SAFB: variants seen among roughly 807,000 people sequenced by gnomAD.
SAFB encodes scaffold attachment factor B1.
SAFB carries 15 observed loss-of-function variants against 101.6 expected under a neutral mutation model. The ratio of observed to expected loss-of-function variants is 0.15; its 90% CI spans 0.10 to 0.23. The LOEUF is 0.23. Among genes scored for constraint, SAFB ranks in the 10% least tolerant of loss-of-function variants. The probability of loss-of-function intolerance (pLI) is 1.00; values close to 1 mark genes in which losing one functional copy is unlikely to be tolerated. For missense variants in SAFB, 930 were observed against 1,104.1 expected, an observed-to-expected ratio of 0.84 and a Z score of 2.23; for synonymous variants, 449 against 407.5, an observed-to-expected ratio of 1.10 and a Z score of -1.23.
intron 14 of SAFB, among the ~76,000 whole-genome samples, chr19:5,660,703 CCAAA>C (rs1323566992): frequency 2.1e-4 from 14 of 68,104 alleles, no homozygotes; most frequent in Non-Finnish European, 3.2e-4. Context: ...ACCATCTCTA[CCAAA>C]AAAAAAAAAA....
At chr19:5,626,733 G>A (rs2053370757) in intron 2 of SAFB, among the ~76,000 whole-genome samples, 1 of 152,106 alleles carries the variant, frequency 6.6e-6, no homozygotes, top group African/African-American at 2.4e-5. Flanking sequence ...TCTGTAGATT[G>A]TCAGCGGTCC....
intron 1 of SAFB, among the ~76,000 whole-genome samples, chr19:5,626,127 T>C (rs2053353328): frequency 6.6e-6 from 1 of 152,132 alleles, no homozygotes; most frequent in African/African-American, 2.4e-5. Context: ...CCAGGGTAAG[T>C]ACTGTATTAT....
At chr19:5,626,373 T>C in intron 1 of SAFB, 32 bp from the exon 2 acceptor site, 1 of 1,326,440 alleles carries the variant, frequency 7.5e-7, no homozygotes, top group Admixed American at 1.7e-5. Context: ...AGCTGACTTT[T>C]TGGATCAACT....
rs1408613068 is a variant in SAFB, at chr19:5,626,395, T to C, written c.190-10T>C. 2 of 1,566,602 alleles carry C rather than the reference T, an allele frequency of 1.3e-6. No individual in the cohort carries two copies. Among genetic ancestry groups the C allele is most frequent in the East Asian group, 4.5e-5 (2 of 44,664 alleles). ...TTTTTGGATCAACTTTACTTTTCCC[T>C]TCTTTTTAGGCAATTGAAGATGAAG... On this transcript the variant is annotated splice_polypyrimidine_tract_variant and intron_variant, in intron 1 of 20. Transcript: ENST00000588852.
chr19:5,657,301 G>T lies in SAFB; in HGVS notation c.1816G>T (p.Asp606Tyr), dbSNP rs753468272. ...SREKRSVVSF[D>Y]KVKEPRKSRD... The stretch of plus-strand genomic sequence containing the variant: ...AGAGAAGCGGTCCGTCGTGTCCTTT[G>T]ATAAGGTCAAGGAGCCTCGGAAGTC... Residue 606 changes from aspartate to tyrosine, a missense_variant, in exon 14 of 21, where the codon GAT (aspartate) becomes TAT (tyrosine). Physicochemically the swap from Asp to Tyr is radical, Grantham distance 160. This residue lies in a region of SAFB where 159 missense variants were observed against 234.1 expected (regional missense o/e 0.68). Coordinates refer to ENST00000588852, the MANE Select transcript of SAFB (RefSeq NM_001201338.2). 1.9e-6 allele frequency: 3 copies of T among 1,614,052 alleles called. No homozygotes were observed. The Admixed American group carries it at 5.0e-5, about 27-fold the overall frequency.
chr19:5,659,856 A>T (rs1187330515), intron 14 of SAFB, among the ~76,000 whole-genome samples: 1 of 152,058 alleles, frequency 6.6e-6, no homozygotes, highest in Non-Finnish European at 1.5e-5. Context: ...CCCTCTCCAT[A>T]TCTGGCGTAG....
At position 5,667,892 on chromosome 19, in the gene SAFB, G is replaced by T. The variant is rs202133521; in HGVS notation, c.2624+6G>T. On this transcript the variant is annotated splice_donor_region_variant and intron_variant, in intron 20 of 20. Coordinates refer to ENST00000588852, the MANE Select transcript of SAFB (RefSeq NM_001201338.2). This position sits in a 1 kb window ranked among gnomAD's most constrained non-coding sequence, Gnocchi z 4.0. ...AACCGAGGAGGAATGTCAGGGTAAG[G>T]CATGCTGGGGGCGGCGCCCCTTCCC... 2.6e-4 allele frequency: 411 copies of T among 1,599,450 alleles called. 2 individuals carry two copies. The African/African-American group carries it at 5.2e-3, about 20-fold the overall frequency.
intron 4 of SAFB, 138 bp downstream of exon 4, chr19:5,642,084 G>C (rs749186109): frequency 2.8e-5 from 21 of 741,372 alleles, no homozygotes; most frequent in Non-Finnish European, 1.2e-5. Context: ...TGGTTCAGAT[G>C]ATTCTGAACC....
intron 17 of SAFB, chr19:5,664,661 C>G (rs541890666): frequency 2.0e-6 from 1 of 499,466 alleles, no homozygotes; most frequent in African/African-American, 1.9e-5. Flanking sequence ...TGTTTTTAGC[C>G]TTGACCCTGG....
At chr19:5,647,951 T>C in intron 5 of SAFB, 65 bp from the exon 6 acceptor site, 1 of 1,420,486 alleles carries the variant, frequency 7.0e-7, no homozygotes. Flanking sequence ...TATTCTGGGT[T>C]TTCATTTAAA....
chr19:5,635,278 C>T (rs945422027), intron 2 of SAFB, among the ~76,000 whole-genome samples: 14 of 152,044 alleles, frequency 9.2e-5, no homozygotes, highest in African/African-American at 2.9e-4. Context: ...AGCATGGAGT[C>T]AAAGATGGAG....
intron 13 of SAFB, among the ~76,000 whole-genome samples, chr19:5,655,094 G>T (rs1388824585): frequency 2.0e-5 from 3 of 152,064 alleles, no homozygotes; most frequent in Admixed American, 2.0e-4. Flanking sequence ...TGGTGACCTG[G>T]CCCATCTCGC....
chr19:5,667,229 TG>T lies in SAFB; in HGVS notation c.2453+68del. ...GCCCACAAGGGGGCCCGCAAGTCGCTGGGATGTGGGCACAGGGTGGGAAACA... is the reference window on the plus strand; with the variant it reads ...GCCCACAAGGGGGCCCGCAAGTCGCTGGATGTGGGCACAGGGTGGGAAACA... On this transcript the variant is annotated intron_variant, in intron 18 of 20. Coordinates refer to ENST00000588852, the MANE Select transcript of SAFB (RefSeq NM_001201338.2). The surrounding 1 kb of genome is among the most constrained non-coding windows in gnomAD (Gnocchi z 4.0). 1 of 1,216,280 alleles carries T rather than the reference TG, an allele frequency of 8.2e-7. No homozygotes were observed. The highest frequency in any genetic ancestry group is 1.2e-6 in the Non-Finnish European group (1 of 867,828). 75.3% of individuals were successfully genotyped at this position (1,216,280 alleles called of 1,614,324 possible).
At chr19:5,659,943 C>T (rs1167534747) in intron 14 of SAFB, among the ~76,000 whole-genome samples, 1 of 152,160 alleles carries the variant, frequency 6.6e-6, no homozygotes, top group African/African-American at 2.4e-5. Flanking sequence ...TGAAAAGTTC[C>T]CATAAACCGC....
chr19:5,640,480 C>A (rs57151568), intron 2 of SAFB, among the ~76,000 whole-genome samples: 1 of 151,178 alleles, frequency 6.6e-6, no homozygotes, highest in African/African-American at 2.4e-5. Context: ...ATTCTCCTGC[C>A]TCAGCCTCCC....
Position 5,667,744 on chromosome 19 carries a change from TG to T in SAFB, c.2558-74del. The stretch of plus-strand genomic sequence containing the variant: ...TACCTGGGGGCCTCACCAAAGGGAG[TG>T]GAGTGGGCTAAATGTGCCGTGGGTT... On this transcript the variant is annotated intron_variant, in intron 19 of 20. Coordinates refer to ENST00000588852, the MANE Select transcript of SAFB (RefSeq NM_001201338.2). The surrounding 1 kb of genome is among the most constrained non-coding windows in gnomAD (Gnocchi z 4.0). The T allele has an allele frequency of 6.9e-7, 1 of 1,451,828 alleles. No homozygotes were observed. The highest frequency in any genetic ancestry group is 9.6e-7 in the Non-Finnish European group (1 of 1,039,512). The allele number at this position is 1,451,828 out of a possible 1,614,324, so 89.9% of individuals were successfully genotyped here.
At chr19:5,643,202 C>G (rs1488659307) in intron 4 of SAFB, among the ~76,000 whole-genome samples, 4 of 152,184 alleles carry the variant, frequency 2.6e-5, no homozygotes, top group African/African-American at 7.2e-5. Context: ...GTTTGTCAGA[C>G]AGAAAAAGTG....
In SAFB at chr19:5,623,343, G is replaced by A; in HGVS notation, c.138G>A (p.Arg46=). The change falls in exon 1 of 21, where the codon CGG becomes CGA. Residue 46 remains arginine, a synonymous_variant. Coordinates refer to ENST00000588852, the MANE Select transcript of SAFB (RefSeq NM_001201338.2). ...VIDLRAELRK[R]NVDSSGNKSV... ...ATCTGCGGGCGGAGCTGAGGAAACG[G>A]AATGTGGACTCGAGCGGCAACAAGA... 6.2e-7 allele frequency: 1 copy of A among 1,614,078 alleles called. No individual in the cohort carries two copies. Among genetic ancestry groups the A allele is most frequent in the Non-Finnish European group, 8.5e-7 (1 of 1,179,920 alleles).
intron 14 of SAFB, among the ~76,000 whole-genome samples, chr19:5,659,153 A>G (rs1385158735): frequency 6.6e-6 from 1 of 151,502 alleles, no homozygotes; most frequent in Non-Finnish European, 1.5e-5. Flanking sequence ...AAAAAAAAAA[A>G]AATCAGCTGG....
Sources: allele counts gnomAD v4.1 joint callset (sites outside exome capture counted in the v4.1 genomes callset), GRCh38; gene constraint gnomAD v4.1.1; regional missense constraint gnomAD v4.1.1; non-coding constraint Gnocchi (gnomAD v3.1); transcripts MANE v1.5; gene names NCBI Gene and HGNC (gene_info 2026-07-23, HGNC 2026-07-21).